The following GRM5 variants were observed in gnomAD, a reference collection of about 807,000 sequenced individuals.
The protein encoded by GRM5 is glutamate metabotropic receptor 5.
In GRM5, 19 loss-of-function variants were observed where a neutral mutation model predicts 83.1. The ratio of observed to expected loss-of-function variants is 0.23; its 90% CI spans 0.16 to 0.34. The LOEUF (loss-of-function observed/expected upper bound fraction) is 0.34. GRM5 is among the 10% of genes least tolerant of loss of function. The probability of loss-of-function intolerance (pLI) is 1.00; values close to 1 mark genes in which losing one functional copy is unlikely to be tolerated. For synonymous variants in GRM5, 675 were observed against 633.6 expected, an observed-to-expected ratio of 1.07 and a Z score of -0.98; for missense variants, 1,160 against 1,588.3, an observed-to-expected ratio of 0.73 and a Z score of 4.58.
At chr11:88,531,270 G>A (rs1387562367) in intron 8 of GRM5, among the ~76,000 whole-genome samples, 7 of 152,050 alleles carry the variant, frequency 4.6e-5, no homozygotes. Context: ...AGGGAATTGG[G>A]TTTCAATTTA....
intron 3 of GRM5, among the ~76,000 whole-genome samples, chr11:88,671,318 T>A (rs1940187867): frequency 6.6e-6 from 1 of 152,032 alleles, no homozygotes; most frequent in Non-Finnish European, 1.5e-5. Flanking sequence ...TTATAATAAG[T>A]TTGCTTACCC....
chr11:88,575,846 T>A (rs146194409), intron 7 of GRM5, among the ~76,000 whole-genome samples: 1 of 151,096 alleles, frequency 6.6e-6, no homozygotes, highest in Non-Finnish European at 1.5e-5. Context: ...ATTACACATC[T>A]CGTTTTAGAT....
Position 88,805,682 on chromosome 11 carries a change from A to G in GRM5, c.911+44224T>C, listed in dbSNP as rs1169325608. Among the ~76,000 whole-genome samples, 6 of 152,302 alleles carry G rather than the reference A, an allele frequency of 3.9e-5. No homozygotes were observed. The East Asian group carries it at 1.2e-3, about 29-fold the overall frequency. ...TCAAGCATTCTTTTAAAAATTCTAA[A>G]GACTTAGAGAGTATGTCTTATGGTT... On this transcript the variant is annotated intron_variant, in intron 3 of 9. Coordinates refer to ENST00000305447, the MANE Select transcript of GRM5 (RefSeq NM_001143831.3).
chr11:88,998,268 G>A (rs1411226180), intron 2 of GRM5, among the ~76,000 whole-genome samples: 1 of 152,082 alleles, frequency 6.6e-6, no homozygotes, highest in Admixed American at 6.6e-5. Flanking sequence ...TTATTCCAGG[G>A]ATGCGAGGTT....
intron 2 of GRM5, among the ~76,000 whole-genome samples, chr11:88,974,505 T>C (rs887363611): frequency 2.0e-5 from 3 of 152,162 alleles, no homozygotes; most frequent in African/African-American, 7.2e-5. Flanking sequence ...TATGTATGAA[T>C]GAATCATAAA....
intron 2 of GRM5, among the ~76,000 whole-genome samples, chr11:89,042,662 C>G (rs576104752): frequency 6.6e-6 from 1 of 152,026 alleles, no homozygotes; most frequent in African/African-American, 2.4e-5. Flanking sequence ...ATTATTTTTC[C>G]AAGGTAAATT....
chr11:88,649,091 AATAT>A (rs34513077), intron 4 of GRM5, among the ~76,000 whole-genome samples: 17 of 144,462 alleles, frequency 1.2e-4, no homozygotes, highest in South Asian at 6.3e-4. Flanking sequence ...CATATATTAA[AATAT>A]ATAATATATA....
At chr11:88,512,728 G>A (rs1185091132) in intron 9 of GRM5, among the ~76,000 whole-genome samples, 1 of 152,182 alleles carries the variant, frequency 6.6e-6, no homozygotes, top group Non-Finnish European at 1.5e-5. Flanking sequence ...AGGTTGTTTT[G>A]AGATTACATG....
At chr11:89,062,558 A>G (rs561309662) in intron 1 of GRM5, among the ~76,000 whole-genome samples, 12 of 152,358 alleles carry the variant, frequency 7.9e-5, no homozygotes, top group Admixed American at 2.0e-4. Context: ...TTCTTATTGA[A>G]AAAGTAAAGT....
At chr11:88,805,596 A>G (rs1261717531) in intron 3 of GRM5, among the ~76,000 whole-genome samples, 1 of 152,234 alleles carries the variant, frequency 6.6e-6, no homozygotes, top group East Asian at 1.9e-4. Flanking sequence ...ATACAAAGCA[A>G]AAAGAAATTT....
intron 3 of GRM5, among the ~76,000 whole-genome samples, chr11:88,845,601 T>A (rs1447819853): frequency 2.6e-5 from 4 of 151,924 alleles, no homozygotes; most frequent in Non-Finnish European, 5.9e-5. Flanking sequence ...ACCCGGCTAC[T>A]TTTTTGTATT....
At chr11:88,808,449 T>A (rs887161903) in intron 3 of GRM5, among the ~76,000 whole-genome samples, 2 of 152,036 alleles carry the variant, frequency 1.3e-5, no homozygotes, top group Admixed American at 1.3e-4. Context: ...ATTTAGATTA[T>A]CATTTTTAAT....
intron 4 of GRM5, among the ~76,000 whole-genome samples, chr11:88,642,404 C>T (rs1324131876): frequency 1.3e-5 from 2 of 152,128 alleles, no homozygotes; most frequent in East Asian, 3.9e-4. Context: ...GCCTTTCCCT[C>T]ATTATCTTGG....
intron 3 of GRM5, among the ~76,000 whole-genome samples, chr11:88,667,931 T>C (rs865805490): frequency 1.3e-5 from 2 of 151,570 alleles, no homozygotes; most frequent in South Asian, 4.2e-4. Flanking sequence ...AAAGTCAAAA[T>C]TGATTCTTTG....
chr11:88,677,209 C>A lies in GRM5; in HGVS notation c.912-23806G>T, dbSNP rs140189154. ...CTTTTATTCAGTTGTACATTTACAG[C>A]ATTATCTAGAAGCCCTGACTTTTAA... On this transcript the variant is annotated intron_variant, in intron 3 of 9. Transcript: ENST00000305447. Among the ~76,000 whole-genome samples the A allele has an allele frequency of 1.4e-4, 21 of 152,146 alleles. No individual in the cohort carries two copies. The East Asian group carries it at 4.1e-3, about 29-fold the overall frequency.
intron 4 of GRM5, among the ~76,000 whole-genome samples, chr11:88,606,107 T>C (rs1938135867): frequency 6.6e-6 from 1 of 151,998 alleles, no homozygotes; most frequent in South Asian, 2.1e-4. Context: ...ACAGATAAGA[T>C]AGAGCATGCT....
At chr11:88,952,473 A>G (rs1343693711) in intron 2 of GRM5, among the ~76,000 whole-genome samples, 1 of 152,146 alleles carries the variant, frequency 6.6e-6, no homozygotes. Flanking sequence ...AGTAAATGGT[A>G]TTGGTATGCA....
intron 2 of GRM5, among the ~76,000 whole-genome samples, chr11:89,037,969 A>C (rs142237564): frequency 0.01 from 1,567 of 152,302 alleles, 21 homozygotes; most frequent in African/African-American, 0.036. Context: ...AATTTACAAA[A>C]TACCTAACCT....
chr11:88,975,114 A>C (rs1939291766), intron 2 of GRM5, among the ~76,000 whole-genome samples: 1 of 152,228 alleles, frequency 6.6e-6, no homozygotes, highest in South Asian at 2.1e-4. Flanking sequence ...AAGTTAGAAC[A>C]AGAGATATAA....
Sources: allele counts gnomAD v4.1 joint callset (sites outside exome capture counted in the v4.1 genomes callset), GRCh38; gene constraint gnomAD v4.1.1; transcripts MANE v1.5; gene names NCBI Gene and HGNC (gene_info 2026-07-23, HGNC 2026-07-21).